Variants in CCDC178 observed in about 807,000 individuals in gnomAD.
CCDC178 encodes the protein coiled-coil domain-containing protein 178.
A neutral mutation model predicts 117.4 loss-of-function variants in CCDC178; 126 were observed. The ratio of observed to expected loss-of-function variants is 1.07; its 90% confidence interval spans 0.93 to 1.24. The LOEUF (loss-of-function observed/expected upper bound fraction) is 1.24. CCDC178 is among the 50% of genes most tolerant of loss of function. The pLI, the probability that CCDC178 is intolerant of heterozygous loss-of-function variation, is 0.00. For missense variants in CCDC178, 1,030 were observed against 986.9 expected, an observed-to-expected ratio of 1.04 and a Z score of -0.59; for synonymous variants, 283 against 313.4, an observed-to-expected ratio of 0.90 and a Z score of 1.02.
At chr18:33,262,456 C>G (rs754069502) in intron 14 of CCDC178, among the ~76,000 whole-genome samples, 9 of 152,082 alleles carry the variant, frequency 5.9e-5, no homozygotes, top group Admixed American at 6.5e-5. Flanking sequence ...TTAACTCATC[C>G]AAATACCACT....
At chr18:32,968,848 T>A (rs2054869858) in intron 22 of CCDC178, among the ~76,000 whole-genome samples, 2 of 152,026 alleles carry the variant, frequency 1.3e-5, no homozygotes, top group Non-Finnish European at 2.9e-5. Context: ...TACATCACAC[T>A]GCTAAGTGAT....
In CCDC178 at chr18:33,261,908, T is replaced by C. The variant is rs1303501579; in HGVS notation, c.1409+5008A>G. On this transcript the variant is annotated intron_variant, in intron 14 of 22. Transcript: ENST00000383096. ...TTAATCACATTTGGTACTCTCTTCA[T>C]AGAAACTTCCTACTTTCTATGTATG... Among the ~76,000 whole-genome samples, 7 of 152,304 alleles carry C rather than the reference T, an allele frequency of 4.6e-5. No individual in the cohort carries two copies. The East Asian group carries it at 1.2e-3, about 25-fold the overall frequency.
intron 20 of CCDC178, among the ~76,000 whole-genome samples, chr18:33,109,773 A>G (rs1032994430): frequency 9.2e-6 from 1 of 108,284 alleles, no homozygotes; most frequent in African/African-American, 5.2e-5. Flanking sequence ...ATTTTGTCAG[A>G]TTAATTCATA....
intron 21 of CCDC178, among the ~76,000 whole-genome samples, chr18:33,000,984 G>C (rs2055618573): frequency 6.6e-6 from 1 of 152,062 alleles, no homozygotes; most frequent in African/African-American, 2.4e-5. Flanking sequence ...ACTAAAAGAT[G>C]AACTGATCAA....
intron 12 of CCDC178, among the ~76,000 whole-genome samples, chr18:33,274,072 G>A (rs1253586836): frequency 6.6e-6 from 1 of 151,548 alleles, no homozygotes; most frequent in Non-Finnish European, 1.5e-5. Flanking sequence ...AATATAAAAT[G>A]GACAAAAGAT....
intron 21 of CCDC178, among the ~76,000 whole-genome samples, chr18:33,051,763 C>T (rs1359867450): frequency 6.6e-6 from 1 of 152,152 alleles, no homozygotes; most frequent in African/African-American, 2.4e-5. Context: ...GCAAAACCTC[C>T]TTAGATATAT....
At chr18:33,147,068 C>T (rs540514333) in intron 20 of CCDC178, among the ~76,000 whole-genome samples, 29 of 152,150 alleles carry the variant, frequency 1.9e-4, no homozygotes, top group African/African-American at 7.0e-4. Context: ...GAAGAAACTC[C>T]CAAAGCCATA....
intron 7 of CCDC178, among the ~76,000 whole-genome samples, chr18:33,354,703 C>T (rs766417508): frequency 7.9e-5 from 12 of 151,656 alleles, no homozygotes; most frequent in Admixed American, 2.0e-4. Flanking sequence ...CTCCACCTCC[C>T]GGGTTCAAGT....
At chr18:33,352,670 C>T (rs1294049724) in intron 7 of CCDC178, among the ~76,000 whole-genome samples, 1 of 152,086 alleles carries the variant, frequency 6.6e-6, no homozygotes. Flanking sequence ...TGCTTTGACT[C>T]ATTGGTTTGT....
At chr18:33,039,376 C>G (rs1248073884) in intron 21 of CCDC178, among the ~76,000 whole-genome samples, 1 of 151,942 alleles carries the variant, frequency 6.6e-6, no homozygotes, top group Non-Finnish European at 1.5e-5. Context: ...CTCATGCCTA[C>G]AGTGAAATCA....
intron 11 of CCDC178, among the ~76,000 whole-genome samples, chr18:33,301,627 G>A (rs904087265): frequency 1.3e-5 from 2 of 152,184 alleles, no homozygotes; most frequent in Non-Finnish European, 2.9e-5. Context: ...TGTGGGACAT[G>A]GAGTAAAAGG....
At chr18:33,214,265 A>AT (rs1230328870) in intron 19 of CCDC178, among the ~76,000 whole-genome samples, 1 of 152,128 alleles carries the variant, frequency 6.6e-6, no homozygotes, top group Non-Finnish European at 1.5e-5. Context: ...ATAGCAAGTC[A>AT]TTCAACGGTA....
At chr18:33,385,207 T>C (rs2063480160) in intron 5 of CCDC178, among the ~76,000 whole-genome samples, 1 of 152,150 alleles carries the variant, frequency 6.6e-6, no homozygotes, top group Non-Finnish European at 1.5e-5. Flanking sequence ...AGCACTGAGA[T>C]TCATAAAACA....
intron 14 of CCDC178, among the ~76,000 whole-genome samples, chr18:33,258,602 T>C (rs1277787367): frequency 6.6e-6 from 1 of 152,178 alleles, no homozygotes; most frequent in Non-Finnish European, 1.5e-5. Context: ...TTTATTATTA[T>C]TTTCCTATAC....
intron 22 of CCDC178, among the ~76,000 whole-genome samples, chr18:32,965,411 T>G (rs1409554886): frequency 6.6e-6 from 1 of 152,016 alleles, no homozygotes; most frequent in Non-Finnish European, 1.5e-5. Flanking sequence ...TTTTACTATT[T>G]CTTTGACATA....
intron 10 of CCDC178, among the ~76,000 whole-genome samples, chr18:33,324,037 A>T (rs540749195): frequency 6.6e-6 from 1 of 151,978 alleles, no homozygotes; most frequent in South Asian, 2.1e-4. Flanking sequence ...GGTTTTTGCC[A>T]TTAAAAGTAT....
At chr18:33,090,206 G>T (rs553553964) in intron 21 of CCDC178, among the ~76,000 whole-genome samples, 29 of 152,148 alleles carry the variant, frequency 1.9e-4, no homozygotes, top group African/African-American at 5.8e-4. Context: ...CTTTCATTAG[G>T]TTTTCTTTAT....
intron 22 of CCDC178, among the ~76,000 whole-genome samples, chr18:32,947,990 G>T (rs1032000793): frequency 3.3e-5 from 5 of 152,138 alleles, no homozygotes; most frequent in Non-Finnish European, 7.4e-5. Flanking sequence ...TTGCAACATT[G>T]TAAAAATATC....
Position 33,188,311 on chromosome 18 carries a change from T to G in CCDC178, c.2238+23585A>C, listed in dbSNP as rs139231376. ...ATTTTAAAGATGTCCCTCTAAGATT[T>G]CCATCTTAGGCTTATTCAAACTCTA... On this transcript the variant is annotated intron_variant, in intron 20 of 22. Coordinates refer to ENST00000383096, the MANE Select transcript of CCDC178 (RefSeq NM_001105528.4). Among the ~76,000 whole-genome samples, 271 of 152,192 alleles carry G rather than the reference T, an allele frequency of 1.8e-3. 4 individuals carry two copies. The highest frequency in any genetic ancestry group is 4.6e-3 in the South Asian group (22 of 4,822).
Sources: allele counts gnomAD v4.1 joint callset (sites outside exome capture counted in the v4.1 genomes callset), GRCh38; gene constraint gnomAD v4.1.1; transcripts MANE v1.5; gene names NCBI Gene and HGNC (gene_info 2026-07-23, HGNC 2026-07-21).